Variants in HYCC2 observed in about 807,000 individuals in gnomAD.
The protein encoded by HYCC2 is hyccin PI4KA lipid kinase complex subunit 2.
At chr2:201,005,872 G>A in the HYCC2 span, among the ~76,000 whole-genome samples, 440 of 151,738 alleles carry the variant, frequency 2.9e-3, 3 homozygotes, top group African/African-American at 0.01. Flanking sequence ...TCACTCTGTC[G>A]CCAAGGCTGG....
the HYCC2 span, among the ~76,000 whole-genome samples, chr2:201,025,898 C>CA: frequency 6.6e-6 from 1 of 151,954 alleles, no homozygotes; most frequent in Non-Finnish European, 1.5e-5. Context: ...CCCATCTCTA[C>CA]AAAAAAATTT....
the HYCC2 span, among the ~76,000 whole-genome samples, chr2:201,028,840 A>G: frequency 6.6e-6 from 1 of 152,350 alleles, no homozygotes; most frequent in South Asian, 2.1e-4. Context: ...CTTAAATGTT[A>G]GACCTAAAAC....
At chr2:200,979,271 A>T in the HYCC2 span, 2 of 142,292 alleles carry the variant, frequency 1.4e-5, no homozygotes, top group Non-Finnish European at 3.0e-5. Context: ...CCATACACAC[A>T]CACACACACA....
the HYCC2 span, among the ~76,000 whole-genome samples, chr2:201,055,103 GT>G: frequency 6.6e-6 from 1 of 152,128 alleles, no homozygotes; most frequent in Non-Finnish European, 1.5e-5. Flanking sequence ...TCCTTACTTA[GT>G]TAACTGACAC....
the HYCC2 span, among the ~76,000 whole-genome samples, chr2:201,068,315 G>A: frequency 5.3e-5 from 8 of 151,932 alleles, no homozygotes; most frequent in African/African-American, 1.2e-4. Flanking sequence ...AGCTATCCTA[G>A]CTATGACATG....
At chr2:201,041,965 C>T in the HYCC2 span, among the ~76,000 whole-genome samples, 5 of 151,990 alleles carry the variant, frequency 3.3e-5, no homozygotes, top group African/African-American at 1.2e-4. Context: ...CCCCTTTGCA[C>T]GGTCCTCCTC....
At chr2:201,019,215 T>C in the HYCC2 span, among the ~76,000 whole-genome samples, 365 of 152,290 alleles carry the variant, frequency 2.4e-3, 1 homozygote, top group African/African-American at 8.1e-3. Context: ...TCTCCAAAGA[T>C]TGCCTTCTCT....
the HYCC2 span, among the ~76,000 whole-genome samples, chr2:201,040,459 GTTTT>G: frequency 1.5e-5 from 2 of 135,156 alleles, no homozygotes; most frequent in Admixed American, 7.4e-5. Flanking sequence ...TATTGCTTTT[GTTTT>G]TTTTTTTTTG....
the HYCC2 span, among the ~76,000 whole-genome samples, chr2:201,054,678 T>C: frequency 6.6e-6 from 1 of 152,178 alleles, no homozygotes; most frequent in Non-Finnish European, 1.5e-5. Context: ...AAAGGATCCA[T>C]TCCTTGTATT....
the HYCC2 span, among the ~76,000 whole-genome samples, chr2:200,992,647 T>C: frequency 4.6e-5 from 7 of 152,226 alleles, no homozygotes; most frequent in Non-Finnish European, 8.8e-5. Flanking sequence ...GGTTATGAAC[T>C]ATGTAGAGAT....
At chr2:201,063,675 G>T in the HYCC2 span, 2 of 1,576,094 alleles carry the variant, frequency 1.3e-6, no homozygotes, top group Non-Finnish European at 1.7e-6. Context: ...CAAAGAGGTC[G>T]AAGTGGTTCT....
At chr2:201,022,316 T>C in the HYCC2 span, among the ~76,000 whole-genome samples, 1 of 152,232 alleles carries the variant, frequency 6.6e-6, no homozygotes, top group Admixed American at 6.5e-5. Context: ...AAACTCTCAT[T>C]CTAAGTTTAT....
At chr2:200,975,608 C>T in the HYCC2 span, 5 of 152,044 alleles carry the variant, frequency 3.3e-5, no homozygotes, top group Non-Finnish European at 7.4e-5. Context: ...ATGATTAGCA[C>T]AATTTCTAAA....
At chr2:200,981,418 T>A in the HYCC2 span, 1 of 1,614,158 alleles carries the variant, frequency 6.2e-7, no homozygotes, top group Non-Finnish European at 8.5e-7. This position sits in a 1 kb window ranked among gnomAD's most constrained non-coding sequence, Gnocchi z 4.5. Flanking sequence ...ATTAGCATTG[T>A]TGGCTGCTAA....
the HYCC2 span, among the ~76,000 whole-genome samples, chr2:201,056,156 T>C: frequency 3.3e-5 from 5 of 151,398 alleles, no homozygotes; most frequent in Non-Finnish European, 7.4e-5. Context: ...ATGGCGCCAC[T>C]GCACTCCAAC....
At chr2:201,071,245 C>T in the HYCC2 span, among the ~76,000 whole-genome samples, 5 of 152,214 alleles carry the variant, frequency 3.3e-5, no homozygotes, top group African/African-American at 1.2e-4. Flanking sequence ...TAACTGTCTT[C>T]AATGCCGTGT....
At chr2:201,032,814 G>A in the HYCC2 span, among the ~76,000 whole-genome samples, 56 of 152,072 alleles carry the variant, frequency 3.7e-4, no homozygotes, top group South Asian at 1.5e-3. Flanking sequence ...GTGCCACTAC[G>A]CCTGGCTAAT....
the HYCC2 span, among the ~76,000 whole-genome samples, chr2:201,025,012 C>T: frequency 2.0e-5 from 3 of 152,164 alleles, no homozygotes; most frequent in South Asian, 6.2e-4. Context: ...ACTCAGGAGG[C>T]TGAGGCAGGA....
the HYCC2 span, chr2:201,017,049 C>T: frequency 6.2e-7 from 1 of 1,614,088 alleles, no homozygotes; most frequent in Non-Finnish European, 8.5e-7. Flanking sequence ...TCTGTCTCGG[C>T]TAACTGTAAG....
Sources: gnomAD v4.1 joint callset for allele counts (sites outside exome capture counted in the v4.1 genomes callset) on GRCh38, gnomAD v4.1.1 for gene constraint, Gnocchi (gnomAD v3.1) non-coding constraint, MANE v1.5 for transcripts, NCBI Gene and HGNC (gene_info 2026-07-23, HGNC 2026-07-21) for gene names.